The following FMN1 variants were observed in gnomAD, a reference collection of about 807,000 sequenced individuals.
The protein encoded by FMN1 is formin 1, also known as formin-1.
A neutral mutation model predicts 132.4 loss-of-function variants in FMN1; 110 were observed. The observed-to-expected ratio is 0.83, with a 90% CI of 0.71 to 0.97. The LOEUF is 0.97. FMN1 is among the 50% of genes least tolerant of loss of function. FMN1 has a pLI of 0.00. For missense variants in FMN1, 1,792 were observed against 1,705.3 expected, an observed-to-expected ratio of 1.05 and a Z score of -0.90; for synonymous variants, 722 against 651.7, an observed-to-expected ratio of 1.11 and a Z score of -1.64.
intron 4 of FMN1, among the ~76,000 whole-genome samples, chr15:33,096,090 G>A (rs1317265424): frequency 6.6e-6 from 1 of 151,620 alleles, no homozygotes; most frequent in African/African-American, 2.4e-5. Flanking sequence ...ATGGCTCTGA[G>A]TGTCCTTGCA....
chr15:33,080,414 A>ACC (rs916885737), intron 5 of FMN1, among the ~76,000 whole-genome samples: 4 of 152,198 alleles, frequency 2.6e-5, no homozygotes, highest in Admixed American at 6.5e-5. Flanking sequence ...ACCACTAGAC[A>ACC]CCCCCTCACA....
At chr15:33,090,661 C>T (rs777836053) in intron 4 of FMN1, among the ~76,000 whole-genome samples, 6 of 152,108 alleles carry the variant, frequency 3.9e-5, no homozygotes, top group South Asian at 2.1e-4. Context: ...CCACTCAATC[C>T]CCTTGCTACC....
In FMN1 at chr15:33,104,223, A is replaced by C. The variant is rs570566209; in HGVS notation, c.1868-15249T>G. ...AAATGATAAGATGCACAAATTTGTC[A>C]ATAATGGCTTCAAAACAACAAAGAG... is the stretch of plus-strand genomic sequence containing the variant. On this transcript the variant is annotated intron_variant, in intron 4 of 20. Transcript: ENST00000616417. Among the ~76,000 whole-genome samples, 212 of 152,258 alleles carry C rather than the reference A, an allele frequency of 1.4e-3. 1 individual carries two copies. The highest frequency in any genetic ancestry group is 4.8e-3 in the African/African-American group (201 of 41,566).
intron 4 of FMN1, among the ~76,000 whole-genome samples, chr15:33,123,312 C>T (rs982875193): frequency 4.6e-5 from 7 of 152,000 alleles, no homozygotes; most frequent in African/African-American, 1.5e-4. Flanking sequence ...TGCTCAAAGG[C>T]CTTCCATAGC....
At chr15:32,985,091 C>CA (rs774220166) in intron 7 of FMN1, among the ~76,000 whole-genome samples, 125 of 151,752 alleles carry the variant, frequency 8.2e-4, no homozygotes, top group Non-Finnish European at 1.7e-3. Flanking sequence ...AAAGGATTAG[C>CA]AGTTACTTAT....
At position 33,075,479 on chromosome 15, in the gene FMN1, A is replaced by T. The variant is rs540628268; in HGVS notation, c.2044-10405T>A. Among the ~76,000 whole-genome samples the T allele has an allele frequency of 1.8e-4, 27 of 152,268 alleles. No individual in the cohort carries two copies. In the East Asian group the frequency reaches 4.6e-3, roughly 26 times the overall value. On this transcript the variant is annotated intron_variant, in intron 5 of 20. Coordinates refer to ENST00000616417, the MANE Select transcript of FMN1 (RefSeq NM_001277313.2). ...CCACAAGGAAACTGAGCTCCAAAGA[A>T]AATTCTTCCAAGGGATCCCTTTGGG...
intron 17 of FMN1, among the ~76,000 whole-genome samples, chr15:32,817,551 GTGA>G (rs1277188924): frequency 1.3e-5 from 2 of 152,174 alleles, no homozygotes; most frequent in Non-Finnish European, 2.9e-5. Flanking sequence ...TGTCTCTTGG[GTGA>G]TATTTGCAGG....
chr15:33,110,194 AGATT>A (rs2039645486), intron 4 of FMN1, among the ~76,000 whole-genome samples: 1 of 152,124 alleles, frequency 6.6e-6, no homozygotes, highest in African/African-American at 2.4e-5. Context: ...AATACCTGTC[AGATT>A]ATTAGGACAC....
At chr15:32,865,412 T>C (rs926051035) in intron 16 of FMN1, among the ~76,000 whole-genome samples, 9 of 152,254 alleles carry the variant, frequency 5.9e-5, no homozygotes, top group Non-Finnish European at 1.3e-4. Flanking sequence ...GGTGCAACTA[T>C]GTCTTCATTA....
intron 10 of FMN1, among the ~76,000 whole-genome samples, chr15:32,925,322 A>G (rs1596286500): frequency 6.6e-6 from 1 of 152,254 alleles, no homozygotes; most frequent in East Asian, 1.9e-4. Flanking sequence ...CATCACAGAT[A>G]ACTAAATATT....
intron 7 of FMN1, among the ~76,000 whole-genome samples, chr15:32,974,283 C>CAGGTGCTG (rs1399351729): frequency 6.6e-6 from 1 of 152,150 alleles, no homozygotes. Context: ...TGAAAAGAGA[C>CAGGTGCTG]AGGTGCTGAG....
intron 5 of FMN1, among the ~76,000 whole-genome samples, chr15:33,085,050 G>GGAAA (rs1461038072): frequency 6.6e-6 from 1 of 152,148 alleles, no homozygotes; most frequent in East Asian, 1.9e-4. Context: ...GCCCACCAGA[G>GGAAA]GAAAGGGGTT....
At chr15:32,911,149 C>T (rs2141668489) in intron 10 of FMN1, among the ~76,000 whole-genome samples, 1 of 152,274 alleles carries the variant, frequency 6.6e-6, no homozygotes, top group African/African-American at 2.4e-5. Context: ...TCTACTTGTT[C>T]TGTATTATTT....
intron 7 of FMN1, among the ~76,000 whole-genome samples, chr15:32,989,346 G>A (rs150587328): frequency 1.3e-3 from 191 of 152,300 alleles, no homozygotes; most frequent in African/African-American, 4.3e-3. Flanking sequence ...CAAAATTTCC[G>A]AGGAGGAAGC....
intron 8 of FMN1, among the ~76,000 whole-genome samples, chr15:32,964,996 G>GT (rs746473729): frequency 6.6e-6 from 1 of 152,176 alleles, no homozygotes; most frequent in African/African-American, 2.4e-5. Flanking sequence ...AGAATCAGGC[G>GT]TAACAGAACA....
intron 16 of FMN1, among the ~76,000 whole-genome samples, chr15:32,867,326 G>A (rs150581214): frequency 3.4e-4 from 52 of 152,286 alleles, no homozygotes; most frequent in African/African-American, 1.2e-3. Context: ...GCTACGTCTT[G>A]CCTGCCTTCC....
chr15:32,895,265 A>G (rs2060126035), intron 15 of FMN1, among the ~76,000 whole-genome samples: 1 of 152,068 alleles, frequency 6.6e-6, no homozygotes, highest in Non-Finnish European at 1.5e-5. Context: ...GCCACCATTG[A>G]ACCTTGTTAA....
chr15:32,794,316 T>C (rs1278302172), intron 19 of FMN1, among the ~76,000 whole-genome samples: 1 of 152,248 alleles, frequency 6.6e-6, no homozygotes, highest in African/African-American at 2.4e-5. Flanking sequence ...CACTCATTAC[T>C]TACCCATTAT....
At chr15:33,019,057 C>G (rs2035260616) in intron 6 of FMN1, among the ~76,000 whole-genome samples, 1 of 152,220 alleles carries the variant, frequency 6.6e-6, no homozygotes, top group Admixed American at 6.5e-5. Context: ...GTTACCACTG[C>G]TGGCTCCGGC....
Sources: gnomAD v4.1 joint callset for allele counts (sites outside exome capture counted in the v4.1 genomes callset) on GRCh38, gnomAD v4.1.1 for gene constraint, MANE v1.5 for transcripts, NCBI Gene and HGNC (gene_info 2026-07-23, HGNC 2026-07-21) for gene names.